PRKCG: variants seen among roughly 807,000 people sequenced by gnomAD.
PRKCG encodes the protein protein kinase C gamma type.
Under a neutral mutation model 82.0 loss-of-function variants are expected in PRKCG, and 28 were observed. The observed-to-expected ratio is 0.34, with a 90% CI of 0.25 to 0.47. The LOEUF is 0.47. PRKCG is among the 20% of genes least tolerant of loss of function. The pLI, the probability that PRKCG is intolerant of heterozygous loss-of-function variation, is 1.00. For synonymous variants in PRKCG, 383 were observed against 376.6 expected (o/e 1.02, Z -0.20); for missense variants, 640 against 952.7 (o/e 0.67, Z 4.32).
rs778633577 is a variant in PRKCG, at chr19:53,906,903, C to G, written c.*8C>G. Reference sequence around the variant, plus strand: ...CCTGTGCCCGTCATGTAATCTCACCCGCCGCCACTAGGTGTCCCCAACGTC... The same window carrying G: ...CCTGTGCCCGTCATGTAATCTCACCGGCCGCCACTAGGTGTCCCCAACGTC... On this transcript the variant is annotated 3_prime_UTR_variant, in exon 18 of 18. Transcript: ENST00000263431. 3 of 1,613,266 alleles carry G rather than the reference C, an allele frequency of 1.9e-6. No individual in the cohort carries two copies. The highest frequency in any genetic ancestry group is 3.3e-5 in the Admixed American group (2 of 60,004).
Position 53,898,027 on chromosome 19 carries a change from C to T in PRKCG, c.1008C>T (p.Arg336=), listed in dbSNP as rs1484057036. ...SPSPSPTDPK[R]CFFGASPGRL... Reference sequence around the variant, plus strand: ...CCCCTAGTCCCACCGACCCCAAGCGCTGCTTCTTCGGGGCGAGTCCAGGAC... The same window carrying T: ...CCCCTAGTCCCACCGACCCCAAGCGTTGCTTCTTCGGGGCGAGTCCAGGAC... The change falls in exon 10 of 18, where the codon CGC becomes CGT. Residue 336 remains arginine, a synonymous_variant. Coordinates refer to ENST00000263431, the MANE Select transcript of PRKCG (RefSeq NM_002739.5). 1 of 1,614,166 alleles carries T rather than the reference C, an allele frequency of 6.2e-7. No homozygotes were observed. Among genetic ancestry groups the T allele is most frequent in the Non-Finnish European group, 8.5e-7 (1 of 1,180,022 alleles).
chr19:53,888,555 G>T (rs2068648799), intron 3 of PRKCG, among the ~76,000 whole-genome samples: 1 of 152,078 alleles, frequency 6.6e-6, no homozygotes. Context: ...GCTGAGAAGC[G>T]GCCTAGCTCT....
In PRKCG at chr19:53,889,804, G is replaced by T; in HGVS notation, c.397+55G>T. 6.3e-7 allele frequency: 1 copy of T among 1,589,418 alleles called. No homozygotes were observed. Among genetic ancestry groups the T allele is most frequent in the Non-Finnish European group, 8.6e-7 (1 of 1,167,840 alleles). ...TCCAAAGCGCCCGGTCTGGGTTCCGGGAAATGCCCGGGATGGGGTGGGGGG... is the reference window on the plus strand; with the variant it reads ...TCCAAAGCGCCCGGTCTGGGTTCCGTGAAATGCCCGGGATGGGGTGGGGGG... On this transcript the variant is annotated intron_variant, in intron 4 of 17. Coordinates refer to ENST00000263431, the MANE Select transcript of PRKCG (RefSeq NM_002739.5). This position sits in a 1 kb window ranked among gnomAD's most constrained non-coding sequence, Gnocchi z 4.4.
chr19:53,898,455 C>G lies in PRKCG; in HGVS notation c.1108C>G (p.Arg370Gly). The stretch of plus-strand genomic sequence containing the variant: ...GTGCGCATAGGTGATGCTGGCCGAG[C>G]GCAGGGGCTCTGATGAGCTCTACGC... ...GSFGKVMLAERRGSDELYAIK... is the reference protein window; with the variant it reads ...GSFGKVMLAEGRGSDELYAIK... Residue 370 changes from arginine (R) to glycine (G), a missense_variant, in exon 11 of 18, where the codon CGC becomes GGC. Transcript: ENST00000263431. 6.2e-7 allele frequency: 1 copy of G among 1,613,918 alleles called. No homozygotes were observed. The highest frequency in any genetic ancestry group is 8.5e-7 in the Non-Finnish European group (1 of 1,180,018).
chr19:53,901,551 CAA>C lies in PRKCG; in HGVS notation c.1575+821_1575+822del, dbSNP rs57268943. Among the ~76,000 whole-genome samples the C allele has an allele frequency of 8.5e-3, 389 of 45,782 alleles. 4 individuals are homozygous for C. Among genetic ancestry groups the C allele is most frequent in the African/African-American group, 0.025 (360 of 14,280 alleles). The allele number at this position is 45,782 out of a possible 152,430, so 30.0% of individuals were successfully genotyped here. ...AGAGCATAACTTCATAACTTCATCT[CAA>C]AAAAAAAAAAAAAAAAAAGCCGGGT... On this transcript the variant is annotated intron_variant, in intron 14 of 17. Coordinates refer to ENST00000263431, the MANE Select transcript of PRKCG (RefSeq NM_002739.5).
chr19:53,896,513 G>A (rs773435625), intron 9 of PRKCG, among the ~76,000 whole-genome samples: 9 of 151,908 alleles, frequency 5.9e-5, no homozygotes, highest in South Asian at 2.1e-4. Context: ...TCTGCCTCCC[G>A]GGTTCAAGCG....
Position 53,882,336 on chromosome 19 carries a change from G to C in PRKCG, c.-159G>C. The C allele has an allele frequency of 9.0e-7, 1 of 1,114,966 alleles. No individual in the cohort carries two copies. The highest frequency in any genetic ancestry group is 1.3e-6 in the Non-Finnish European group (1 of 779,410). The allele number at this position is 1,114,966 out of a possible 1,614,324, so 69.1% of individuals were successfully genotyped here. On this transcript the variant is annotated 5_prime_UTR_variant, in exon 1 of 18. Transcript: ENST00000263431. The surrounding 1 kb of genome is among the most constrained non-coding windows in gnomAD (Gnocchi z 6.1). ...CGGCGCGCCCGGGGTGCCGCTCCCTGCCTGGCGCGCTCCGCACCTGGAGGT... is the reference window on the plus strand; with the variant it reads ...CGGCGCGCCCGGGGTGCCGCTCCCTCCCTGGCGCGCTCCGCACCTGGAGGT...
chr19:53,897,665 C>A (rs1199095260), intron 9 of PRKCG, among the ~76,000 whole-genome samples: 4 of 151,788 alleles, frequency 2.6e-5, no homozygotes, highest in African/African-American at 9.7e-5. Flanking sequence ...TGCTAGTCTC[C>A]TCTTCTGTAA....
chr19:53,898,143 G>T, intron 10 of PRKCG, 32 bp downstream of exon 10: 1 of 1,611,236 alleles, frequency 6.2e-7, no homozygotes, highest in Non-Finnish European at 8.5e-7. Flanking sequence ...GGGAAAGGGA[G>T]GATGTCTGTG....
At position 53,883,053 on chromosome 19, in the gene PRKCG, C is replaced by G; in HGVS notation, c.171-110C>G. ...AGAGGAGGTGGCCGGGGCTTGGACA[C>G]CTGGGCCCTGCGGGAGGAGGGTCAG... On this transcript the variant is annotated intron_variant, in intron 1 of 17. Transcript: ENST00000263431. This position sits in a 1 kb window ranked among gnomAD's most constrained non-coding sequence, Gnocchi z 5.4. 1 of 1,423,608 alleles carries G rather than the reference C, an allele frequency of 7.0e-7. No individual in the cohort carries two copies. The highest frequency in any genetic ancestry group is 2.3e-5 in the East Asian group (1 of 43,912). 88.2% of individuals were successfully genotyped at this position (1,423,608 alleles called of 1,614,324 possible). A position where few individuals can be genotyped will look rare whatever the true frequency, so the allele number is the denominator to read the frequency against.
rs2068754299 is a variant in PRKCG at position 53,900,396 on chromosome 19, T to C, written c.1374-23T>C. On this transcript the variant is annotated intron_variant, in intron 12 of 17. Coordinates refer to ENST00000263431, the MANE Select transcript of PRKCG (RefSeq NM_002739.5). This position sits in a 1 kb window ranked among gnomAD's most constrained non-coding sequence, Gnocchi z 4.2. Reference sequence around the variant, plus strand: ...GGATCCAGCCACTGACCTTCTGACGTCCCCACCCACCCCGTCCTCCAGGTT... The same window carrying C: ...GGATCCAGCCACTGACCTTCTGACGCCCCCACCCACCCCGTCCTCCAGGTT... 3 of 1,613,872 alleles carry C rather than the reference T, an allele frequency of 1.9e-6. No homozygotes were observed. Among genetic ancestry groups the C allele is most frequent in the East Asian group, 4.5e-5 (2 of 44,874 alleles).
chr19:53,888,005 C>T (rs1454417297), intron 3 of PRKCG, among the ~76,000 whole-genome samples: 1 of 152,148 alleles, frequency 6.6e-6, no homozygotes, highest in Non-Finnish European at 1.5e-5. Flanking sequence ...GATTTGAACT[C>T]TGATGTATGT....
In PRKCG at chr19:53,893,303, G is replaced by T. The variant is rs1253863870; in HGVS notation, c.910-59G>T. 3 of 1,563,120 alleles carry T rather than the reference G, an allele frequency of 1.9e-6. No homozygotes were observed. The Admixed American group carries it at 5.0e-5, about 26-fold the overall frequency. On this transcript the variant is annotated intron_variant, in intron 8 of 17. Coordinates refer to ENST00000263431, the MANE Select transcript of PRKCG (RefSeq NM_002739.5). ...AGGGTACTAGGGGCCACCAGCCCCTGTTCTAGGGCGATCCCCTGCATCTCT... is the reference window on the plus strand; with the variant it reads ...AGGGTACTAGGGGCCACCAGCCCCTTTTCTAGGGCGATCCCCTGCATCTCT...
chr19:53,894,151 C>T (rs189602963), intron 9 of PRKCG, among the ~76,000 whole-genome samples: 44 of 151,934 alleles, frequency 2.9e-4, no homozygotes, highest in African/African-American at 7.5e-4. Context: ...CTGCAAGCTC[C>T]GCCTCCTGGG....
chr19:53,906,649 G>A, intron 17 of PRKCG, 58 bp from the exon 18 acceptor site: 1 of 1,589,532 alleles, frequency 6.3e-7, no homozygotes, highest in Non-Finnish European at 8.6e-7. Context: ...GGTACACAGA[G>A]GGACACCCGA....
At position 53,906,079 on chromosome 19, in the gene PRKCG, C is replaced by CTTCTTCTTCT. The variant is rs1568763971; in HGVS notation, c.1765-237_1765-236insTCTTCTTCTT. 1.3e-3 allele frequency among the ~76,000 whole-genome samples: 108 copies of CTTCTTCTTCT among 80,872 alleles called. 3 individuals carry two copies. Among genetic ancestry groups the CTTCTTCTTCT allele is most frequent in the African/African-American group, 0.01 (103 of 10,222 alleles). The allele number at this position is 80,872 out of a possible 152,430, so 53.1% of individuals were successfully genotyped here. A position where few individuals can be genotyped will look rare whatever the true frequency, so the allele number is the denominator to read the frequency against. On this transcript the variant is annotated intron_variant, in intron 16 of 17. Coordinates refer to ENST00000263431, the MANE Select transcript of PRKCG (RefSeq NM_002739.5). ...CCTCCTCCTCCTCCTCCTCCTCCTCCTCCTCCTTCTTCTTCTTCTTCTTCT... is the reference window on the plus strand; with the variant it reads ...CCTCCTCCTCCTCCTCCTCCTCCTCCTTCTTCTTCTTCCTCCTTCTTCTTCTTCTTCTTCT...
chr19:53,902,915 A>AAAAAAAAAAT (rs2068775462), intron 14 of PRKCG, among the ~76,000 whole-genome samples, 158 bp from the exon 15 acceptor site: 2 of 151,224 alleles, frequency 1.3e-5, no homozygotes, highest in African/African-American at 4.9e-5. Context: ...AAAAAAAAAA[A>AAAAAAAAAAT]ACGAAACAAA....
rs778384150 is a variant in PRKCG, at chr19:53,889,622, T to C, written c.286-16T>C. On this transcript the variant is annotated splice_polypyrimidine_tract_variant and intron_variant, in intron 3 of 17. Transcript: ENST00000263431. The surrounding 1 kb of genome is among the most constrained non-coding windows in gnomAD (Gnocchi z 4.4). ...ACCCTCCCAACGCCCCCTAAGCCAG[T>C]CTTCTCTGCCCCCAGGACCCCCGGA... 1 of 1,610,024 alleles carries C rather than the reference T, an allele frequency of 6.2e-7. No homozygotes were observed. Among genetic ancestry groups the C allele is most frequent in the South Asian group, 1.1e-5 (1 of 90,938 alleles).
chr19:53,904,038 G>A (rs931676515), intron 15 of PRKCG, among the ~76,000 whole-genome samples: 1 of 152,074 alleles, frequency 6.6e-6, no homozygotes, highest in African/African-American at 2.4e-5. Context: ...TGATAATGAA[G>A]CCACAAGCAC....
Sources: gnomAD v4.1 joint callset for allele counts (sites outside exome capture counted in the v4.1 genomes callset) on GRCh38, gnomAD v4.1.1 for gene constraint, Gnocchi (gnomAD v3.1) non-coding constraint, MANE v1.5 for transcripts, NCBI Gene and HGNC (gene_info 2026-07-23, HGNC 2026-07-21) for gene names.